SNTG2: variants seen among roughly 807,000 people sequenced by gnomAD.
The protein encoded by SNTG2 is gamma-2-syntrophin.
Under a neutral mutation model 70.9 loss-of-function variants are expected in SNTG2, and 74 were observed. That is an observed-to-expected ratio of 1.04 (90% CI 0.86 to 1.27). The LOEUF (loss-of-function observed/expected upper bound fraction) is 1.27. SNTG2 is among the 50% of genes most tolerant of loss of function. The pLI, the probability that SNTG2 is intolerant of heterozygous loss-of-function variation, is 0.00. For synonymous variants in SNTG2, 278 were observed against 273.8 expected (o/e 1.02, Z -0.15); for missense variants, 717 against 690.7 (o/e 1.04, Z -0.43).
chr2:1,218,287 C>T (rs565452671), intron 9 of SNTG2, among the ~76,000 whole-genome samples: 40 of 152,298 alleles, frequency 2.6e-4, no homozygotes, highest in African/African-American at 9.1e-4. Context: ...ACGTTGATTG[C>T]ATTTGCAGAA....
At chr2:1,138,639 G>A (rs1295719559) in intron 6 of SNTG2, among the ~76,000 whole-genome samples, 1 of 152,098 alleles carries the variant, frequency 6.6e-6, no homozygotes, top group East Asian at 1.9e-4. Flanking sequence ...AAGGGGAGAG[G>A]CAGTGGAGCC....
chr2:981,984 G>A (rs149542588), intron 1 of SNTG2, among the ~76,000 whole-genome samples: 1 of 151,952 alleles, frequency 6.6e-6, no homozygotes, highest in Admixed American at 6.6e-5. Flanking sequence ...ACACTCACAT[G>A]CACTTGTGCA....
At chr2:951,466 C>T (rs550420602) in intron 1 of SNTG2, among the ~76,000 whole-genome samples, 1 of 152,282 alleles carries the variant, frequency 6.6e-6, no homozygotes, top group South Asian at 2.1e-4. Context: ...GAGCGTCCCC[C>T]CTGCAGCCTT....
chr2:1,301,687 A>G (rs1439465496), intron 14 of SNTG2, among the ~76,000 whole-genome samples: 1 of 152,200 alleles, frequency 6.6e-6, no homozygotes, highest in Non-Finnish European at 1.5e-5. Context: ...GTGTCCCAAT[A>G]TTGTTTTAAG....
chr2:964,819 G>A (rs1442691170), intron 1 of SNTG2, among the ~76,000 whole-genome samples: 8 of 152,136 alleles, frequency 5.3e-5, no homozygotes, highest in African/African-American at 9.7e-5. Context: ...TGTGACACTC[G>A]GTTCCATGCT....
intron 14 of SNTG2, among the ~76,000 whole-genome samples, chr2:1,305,710 AT>A (rs1680640980): frequency 6.6e-6 from 1 of 152,210 alleles, no homozygotes; most frequent in Non-Finnish European, 1.5e-5. Context: ...GAGGATACTG[AT>A]TGATTAATTC....
At chr2:1,306,768 G>A (rs1007052103) in intron 14 of SNTG2, among the ~76,000 whole-genome samples, 1 of 151,018 alleles carries the variant, frequency 6.6e-6, no homozygotes, top group East Asian at 2.0e-4. Flanking sequence ...GCCATGTGCT[G>A]TGTGTCACCT....
Position 1,267,132 on chromosome 2 carries a change from C to A in SNTG2, c.1078-233C>A, listed in dbSNP as rs549033133. ...GGTGACCAGTATTTTAAGGGAAAGG[C>A]ACTTACAGAGAATTAAGCATTTGAC... On this transcript the variant is annotated intron_variant, in intron 13 of 16. Transcript: ENST00000308624. Among the ~76,000 whole-genome samples the A allele has an allele frequency of 3.3e-5, 5 of 152,276 alleles. No individual in the cohort carries two copies. In the South Asian group the frequency reaches 1.0e-3, roughly 32 times the overall value.
intron 4 of SNTG2, among the ~76,000 whole-genome samples, chr2:1,104,229 C>T (rs1665976225): frequency 1.3e-5 from 2 of 152,110 alleles, no homozygotes; most frequent in Admixed American, 6.6e-5. Flanking sequence ...AATGTGGTTA[C>T]GACGTTTTTT....
chr2:1,055,015 C>G (rs1424259832), intron 1 of SNTG2, among the ~76,000 whole-genome samples: 1 of 151,766 alleles, frequency 6.6e-6, no homozygotes, highest in Non-Finnish European at 1.5e-5. Context: ...TGCCTCTCAC[C>G]TCCTCTATCC....
intron 7 of SNTG2, among the ~76,000 whole-genome samples, chr2:1,168,332 G>A (rs959407103): frequency 4.6e-5 from 7 of 151,938 alleles, no homozygotes; most frequent in African/African-American, 1.5e-4. Flanking sequence ...GCCCACAGAC[G>A]GCAGAACTAA....
intron 1 of SNTG2, among the ~76,000 whole-genome samples, chr2:993,287 CATT>C (rs1320406788): frequency 7.0e-6 from 1 of 142,708 alleles, no homozygotes; most frequent in East Asian, 2.2e-4. Flanking sequence ...CATGTGATCT[CATT>C]GTGGGTTCTT....
At chr2:1,031,528 A>ATATATATATATATATATATATATTTTTTT in intron 1 of SNTG2, among the ~76,000 whole-genome samples, 1 of 59,118 alleles carries the variant, frequency 1.7e-5, no homozygotes, top group Non-Finnish European at 3.1e-5. Context: ...ATATATATAT[A>ATATATATATATATATATATATATTTTTTT]TTTTTTTTTT....
chr2:1,307,312 TTGTGTGTGTGTG>T (rs142934963), intron 14 of SNTG2, among the ~76,000 whole-genome samples: 1 of 139,850 alleles, frequency 7.2e-6, no homozygotes, highest in Non-Finnish European at 1.6e-5. Context: ...CAGCCCTGCA[TTGTGTGTGTGTG>T]TGTGTGTGTG....
intron 8 of SNTG2, among the ~76,000 whole-genome samples, chr2:1,189,153 C>G (rs1356094849): frequency 6.6e-6 from 1 of 151,710 alleles, no homozygotes; most frequent in African/African-American, 2.4e-5. Context: ...CAATTATATT[C>G]AAAAATAGAA....
chr2:976,579 G>A (rs1660911626), intron 1 of SNTG2, among the ~76,000 whole-genome samples: 1 of 152,230 alleles, frequency 6.6e-6, no homozygotes, highest in Non-Finnish European at 1.5e-5. Context: ...GCTCCGGTGT[G>A]CACGGGGGCT....
intron 6 of SNTG2, among the ~76,000 whole-genome samples, chr2:1,140,486 C>T (rs1237676363): frequency 1.3e-5 from 2 of 152,198 alleles, no homozygotes; most frequent in East Asian, 1.9e-4. Context: ...GTCTCGGGGG[C>T]GGGCAGCAGG....
chr2:1,323,833 G>A (rs1444534657), intron 16 of SNTG2, among the ~76,000 whole-genome samples: 2 of 151,252 alleles, frequency 1.3e-5, no homozygotes, highest in Non-Finnish European at 2.9e-5. Context: ...CCCCCCAGTA[G>A]TCTGGGACAT....
At chr2:1,162,147 T>G (rs1009574749) in intron 6 of SNTG2, among the ~76,000 whole-genome samples, 2 of 152,072 alleles carry the variant, frequency 1.3e-5, no homozygotes, top group Non-Finnish European at 2.9e-5. Context: ...CTGTTACTTC[T>G]GACAAAATTG....
Sources: allele counts gnomAD v4.1 joint callset (sites outside exome capture counted in the v4.1 genomes callset), GRCh38; gene constraint gnomAD v4.1.1; transcripts MANE v1.5; gene names NCBI Gene and HGNC (gene_info 2026-07-23, HGNC 2026-07-21).